The following HDAC4 variants were observed in gnomAD, a reference collection of about 807,000 sequenced individuals.
The protein encoded by HDAC4 is histone deacetylase 4.
A neutral mutation model predicts 135.1 loss-of-function variants in HDAC4; 16 were observed. That is an observed-to-expected ratio of 0.12 (90% CI 0.08 to 0.18). The LOEUF (loss-of-function observed/expected upper bound fraction) is 0.18. Among genes scored for constraint, HDAC4 ranks in the 10% least tolerant of loss-of-function variants. The pLI, the probability that HDAC4 is intolerant of heterozygous loss-of-function variation, is 1.00. For missense variants in HDAC4, 1,143 were observed against 1,511.8 expected (o/e 0.76, Z 4.05); for synonymous variants, 685 against 653.4 (o/e 1.05, Z -0.74).
intron 2 of HDAC4, among the ~76,000 whole-genome samples, chr2:239,264,792 CA>C (rs1472312864): frequency 1.3e-5 from 2 of 152,218 alleles, no homozygotes; most frequent in Non-Finnish European, 2.9e-5. Flanking sequence ...AAACACTGTG[CA>C]GGGGGGACAC....
chr2:239,377,285 G>A (rs1202876152), intron 1 of HDAC4, among the ~76,000 whole-genome samples: 1 of 152,230 alleles, frequency 6.6e-6, no homozygotes, highest in African/African-American at 2.4e-5. Flanking sequence ...GCCACTGCCA[G>A]GGCGCTGTCC....
chr2:239,121,113 G>A (rs898767678), intron 12 of HDAC4, among the ~76,000 whole-genome samples: 1 of 151,366 alleles, frequency 6.6e-6, no homozygotes, highest in African/African-American at 2.4e-5. Context: ...GTACAAGCAT[G>A]CACCACCTTG....
intron 19 of HDAC4, among the ~76,000 whole-genome samples, chr2:239,086,668 C>G (rs1254678513): frequency 6.6e-6 from 1 of 152,226 alleles, no homozygotes; most frequent in African/African-American, 2.4e-5. Context: ...TTCCCGGGCC[C>G]CTGCGGTTCT....
intron 11 of HDAC4, among the ~76,000 whole-genome samples, 173 bp from the exon 12 acceptor site, chr2:239,126,867 G>A (rs999369635): frequency 2.0e-5 from 3 of 152,232 alleles, no homozygotes; most frequent in Admixed American, 1.3e-4. Context: ...GCTGAGGCTG[G>A]GGGCCGTGAG....
At position 239,138,994 on chromosome 2, in the gene HDAC4, C is replaced by T. The variant is rs576015657; in HGVS notation, c.978+690G>A. ...ATCTTTCCCACCTAGGGACTCCAAG[C>T]GTCCCCTGACTCCTCTCTAGCTTGC... On this transcript the variant is annotated intron_variant, in intron 9 of 26. Transcript: ENST00000543185. 9.8e-5 allele frequency among the ~76,000 whole-genome samples: 15 copies of T among 152,298 alleles called. No homozygotes were observed. The South Asian group carries it at 2.3e-3, about 23-fold the overall frequency.
chr2:239,161,751 A>G, intron 6 of HDAC4: 1 of 408,990 alleles, frequency 2.4e-6, no homozygotes, highest in African/African-American at 2.1e-5. Flanking sequence ...ACTCACCTTG[A>G]ACACCCAGCT....
At chr2:239,198,195 G>A in intron 3 of HDAC4, among the ~76,000 whole-genome samples, 1 of 152,154 alleles carries the variant, frequency 6.6e-6, no homozygotes, top group East Asian at 1.9e-4. Flanking sequence ...CACCGTCCCT[G>A]CAAAAGCCTC....
intron 5 of HDAC4, among the ~76,000 whole-genome samples, chr2:239,169,034 T>C (rs895474482): frequency 3.4e-4 from 52 of 152,238 alleles, no homozygotes; most frequent in African/African-American, 1.1e-3. Flanking sequence ...TGAAGTGAAG[T>C]CTTTTCATAT....
intron 2 of HDAC4, among the ~76,000 whole-genome samples, chr2:239,260,589 G>A (rs977609626): frequency 6.6e-6 from 1 of 152,114 alleles, no homozygotes; most frequent in African/African-American, 2.4e-5. Context: ...TCTATCAAAT[G>A]CCTATCAGGC....
chr2:239,189,765 G>A (rs2044789881), intron 4 of HDAC4, 68 bp downstream of exon 4: 3 of 1,480,768 alleles, frequency 2.0e-6, no homozygotes, highest in African/African-American at 1.4e-5. Context: ...GCGGAGGCAG[G>A]GCTGGAGTCA....
intron 8 of HDAC4, among the ~76,000 whole-genome samples, chr2:239,140,657 C>T (rs1281630193): frequency 3.3e-5 from 5 of 152,220 alleles, no homozygotes; most frequent in African/African-American, 9.6e-5. Context: ...TGTTCAGCAA[C>T]GACTCTGGGT....
rs1222289858 is a variant in HDAC4, at chr2:239,285,517, G to T, written c.23-48853C>A. Among the ~76,000 whole-genome samples the T allele has an allele frequency of 2.6e-5, 4 of 152,246 alleles. No individual in the cohort carries two copies. The highest frequency in any genetic ancestry group is 9.6e-5 in the African/African-American group (4 of 41,472). On this transcript the variant is annotated intron_variant, in intron 2 of 26. Transcript: ENST00000543185. This position sits in a 1 kb window ranked among gnomAD's most constrained non-coding sequence, Gnocchi z 4.5. ...CTCCGCCGCGGGACCTGTCATCCCA[G>T]CTGGTGGGGAGAAAACGAAGCTGGG...
rs1324924894 is a variant in HDAC4, at chr2:239,349,842, C to G, written c.22+2836G>C. 6.6e-6 allele frequency among the ~76,000 whole-genome samples: 1 copy of G among 152,236 alleles called. No individual in the cohort carries two copies. Among genetic ancestry groups the G allele is most frequent in the African/African-American group, 2.4e-5 (1 of 41,456 alleles). ...CTGTACCCCCTGCACAGATGGAGAG[C>G]AGAGAATGGGCTGGGCCAAGGGGCA... On this transcript the variant is annotated intron_variant, in intron 2 of 26. Transcript: ENST00000543185. The surrounding 1 kb of genome is among the most constrained non-coding windows in gnomAD (Gnocchi z 5.7).
At chr2:239,271,485 A>G (rs747883360) in intron 2 of HDAC4, among the ~76,000 whole-genome samples, 26 of 152,232 alleles carry the variant, frequency 1.7e-4, no homozygotes, top group Non-Finnish European at 3.4e-4. Flanking sequence ...GTTTGGAATA[A>G]TGAGGAATAC....
intron 2 of HDAC4, among the ~76,000 whole-genome samples, chr2:239,336,730 A>G (rs1047609689): frequency 6.6e-6 from 1 of 152,228 alleles, no homozygotes; most frequent in African/African-American, 2.4e-5. Flanking sequence ...ATTCCCCGCG[A>G]TTATTAGCAT....
At chr2:239,324,001 G>A (rs959973967) in intron 2 of HDAC4, among the ~76,000 whole-genome samples, 4 of 152,300 alleles carry the variant, frequency 2.6e-5, no homozygotes, top group South Asian at 2.1e-4. Context: ...GCATCTGAAC[G>A]GGACCACATG....
intron 13 of HDAC4, among the ~76,000 whole-genome samples, chr2:239,112,086 C>A (rs1017071335): frequency 3.3e-5 from 5 of 152,166 alleles, no homozygotes; most frequent in African/African-American, 1.2e-4. Context: ...AGGTGCTGAG[C>A]CAGGAGCAGC....
chr2:239,087,748 C>T (rs2036119094), intron 18 of HDAC4, 134 bp from the exon 19 acceptor site: 4 of 823,992 alleles, frequency 4.9e-6, no homozygotes, highest in African/African-American at 1.7e-5. Context: ...ACCCTGGCCA[C>T]AGTGATGGGG....
chr2:239,234,336 T>C lies in HDAC4; in HGVS notation c.94+2257A>G, dbSNP rs2047761069. ...ATGCCAGGAGACACGGCACTCTCTC[T>C]GACTCAGACCAATGGGAACCTGATG... On this transcript the variant is annotated intron_variant, in intron 3 of 26. Transcript: ENST00000543185. 2.6e-5 allele frequency among the ~76,000 whole-genome samples: 4 copies of C among 152,202 alleles called. No individual in the cohort carries two copies. In the South Asian group the frequency reaches 8.3e-4, roughly 31 times the overall value.
Sources: gnomAD v4.1 joint callset for allele counts (sites outside exome capture counted in the v4.1 genomes callset) on GRCh38, gnomAD v4.1.1 for gene constraint, Gnocchi (gnomAD v3.1) non-coding constraint, MANE v1.5 for transcripts, NCBI Gene and HGNC (gene_info 2026-07-23, HGNC 2026-07-21) for gene names.